RAB3C: variants seen among roughly 807,000 people sequenced by gnomAD.
The protein encoded by RAB3C is ras-related protein Rab-3C.
Under a neutral mutation model 26.4 loss-of-function variants are expected in RAB3C, and 17 were observed. That is an observed-to-expected ratio of 0.64 (90% CI 0.44 to 0.97). The LOEUF (loss-of-function observed/expected upper bound fraction) is 0.97. RAB3C is among the 50% of genes least tolerant of loss of function. The pLI is 0.00. For missense variants in RAB3C, 242 were observed against 281.9 expected, an observed-to-expected ratio of 0.86 and a Z score of 1.01; for synonymous variants, 91 against 95.9, an observed-to-expected ratio of 0.95 and a Z score of 0.30.
intron 2 of RAB3C, among the ~76,000 whole-genome samples, chr5:58,698,221 A>G (rs1046453164): frequency 2.0e-5 from 3 of 152,168 alleles, no homozygotes; most frequent in Non-Finnish European, 4.4e-5. Flanking sequence ...TGGGTTGAAA[A>G]TTCTTTTCTT....
At chr5:58,680,232 T>C (rs1443549898) in intron 2 of RAB3C, among the ~76,000 whole-genome samples, 2 of 152,216 alleles carry the variant, frequency 1.3e-5, no homozygotes, top group African/African-American at 4.8e-5. Flanking sequence ...ACTTGTTAAT[T>C]AGGCCATTGA....
intron 3 of RAB3C, among the ~76,000 whole-genome samples, chr5:58,771,899 C>T (rs1228775281): frequency 7.0e-6 from 1 of 143,224 alleles, no homozygotes; most frequent in Non-Finnish European, 1.5e-5. Context: ...ATGGCAAAGT[C>T]CACCTCTCAA....
intron 4 of RAB3C, among the ~76,000 whole-genome samples, chr5:58,827,784 G>A (rs1743521633): frequency 6.6e-6 from 1 of 152,132 alleles, no homozygotes; most frequent in Non-Finnish European, 1.5e-5. Flanking sequence ...TCTCCTCATG[G>A]CTACACATGC....
intron 1 of RAB3C, among the ~76,000 whole-genome samples, chr5:58,607,442 G>A (rs1746596939): frequency 6.6e-6 from 1 of 152,194 alleles, no homozygotes; most frequent in African/African-American, 2.4e-5. Context: ...TTTGATTAGT[G>A]TACCTGAAAG....
At chr5:58,722,290 C>T (rs1740787226) in intron 2 of RAB3C, among the ~76,000 whole-genome samples, 1 of 151,534 alleles carries the variant, frequency 6.6e-6, no homozygotes, top group Non-Finnish European at 1.5e-5. Context: ...CACCTTTTAG[C>T]AGTGTCTTGG....
At chr5:58,623,445 G>A (rs1157502800) in intron 2 of RAB3C, among the ~76,000 whole-genome samples, 1 of 152,202 alleles carries the variant, frequency 6.6e-6, no homozygotes, top group Non-Finnish European at 1.5e-5. Context: ...AGTGACAGCT[G>A]CCAAGACCAT....
chr5:58,740,750 G>A (rs1741258288), intron 3 of RAB3C, among the ~76,000 whole-genome samples: 1 of 152,144 alleles, frequency 6.6e-6, no homozygotes, highest in African/African-American at 2.4e-5. Flanking sequence ...AACCCAGGAG[G>A]TGGATATTGC....
In RAB3C at chr5:58,796,984, T is replaced by TACACAC. The variant is rs368267920; in HGVS notation, c.372-28046_372-28041dup. ...TTTCTACCTTTCATTTCTGACCCAC[T>TACACAC]ACACACACACACAGACACACACACA... is the stretch of plus-strand genomic sequence containing the variant. On this transcript the variant is annotated intron_variant, in intron 3 of 4. Transcript: ENST00000282878. 3.8e-3 allele frequency among the ~76,000 whole-genome samples: 560 copies of TACACAC among 148,650 alleles called. 2 individuals are homozygous for TACACAC. The highest frequency in any genetic ancestry group is 0.023 in the East Asian group (117 of 5,062).
intron 2 of RAB3C, among the ~76,000 whole-genome samples, chr5:58,694,006 A>G (rs142413796): frequency 3.9e-5 from 6 of 152,248 alleles, no homozygotes; most frequent in Non-Finnish European, 8.8e-5. Context: ...GTAGGTATAC[A>G]TGTGCCATGG....
intron 2 of RAB3C, among the ~76,000 whole-genome samples, chr5:58,682,614 G>A (rs565129965): frequency 1.3e-5 from 2 of 152,076 alleles, no homozygotes; most frequent in East Asian, 1.9e-4. Context: ...AACCCGGGAG[G>A]TGGAGCTTGC....
chr5:58,619,601 C>T (rs545481701), intron 2 of RAB3C, among the ~76,000 whole-genome samples: 1 of 152,118 alleles, frequency 6.6e-6, no homozygotes, highest in South Asian at 2.1e-4. Context: ...CCACTTTTTC[C>T]TCTCTTCTTT....
rs1447342465 is a variant in RAB3C at position 58,596,254 on chromosome 5, T to C, written c.24+13022T>C. The stretch of plus-strand genomic sequence containing the variant: ...CCAATTCCAAGGCCTTTCCAGGTTC[T>C]GCCAGGCAAGAGTTCTTGTGAGGTT... On this transcript the variant is annotated intron_variant, in intron 1 of 4. Transcript: ENST00000282878. 4.6e-5 allele frequency among the ~76,000 whole-genome samples: 7 copies of C among 152,084 alleles called. No homozygotes were observed. In the East Asian group the frequency reaches 1.4e-3, roughly 29 times the overall value.
intron 2 of RAB3C, among the ~76,000 whole-genome samples, chr5:58,725,095 C>T (rs559905977): frequency 1.3e-5 from 2 of 151,912 alleles, no homozygotes; most frequent in East Asian, 1.9e-4. Context: ...TTGAAGAACT[C>T]CCTTTAGCAT....
chr5:58,760,237 T>G (rs74585884), intron 3 of RAB3C, among the ~76,000 whole-genome samples: 1,918 of 152,268 alleles, frequency 0.013, 30 homozygotes, highest in African/African-American at 0.041. Flanking sequence ...TATGAAAAAT[T>G]TAGCCTCTTA....
Position 58,856,468 on chromosome 5 carries a change from G to A in RAB3C, c.*5117G>A, listed in dbSNP as rs993285472. 5.9e-5 allele frequency: 9 copies of A among 152,034 alleles called. No individual in the cohort carries two copies. Among genetic ancestry groups the A allele is most frequent in the Non-Finnish European group, 1.3e-4 (9 of 68,000 alleles). 9.4% of individuals were successfully genotyped at this position (152,034 alleles called of 1,614,324 possible). On this transcript the variant is annotated 3_prime_UTR_variant, in exon 5 of 5. Transcript: ENST00000282878. ...AAAACACTATCCTCATGGAATGACA[G>A]GACCAAGAATAGAAAATGAGACTCA...
chr5:58,652,895 G>A (rs1347202996), intron 2 of RAB3C, among the ~76,000 whole-genome samples: 1 of 151,922 alleles, frequency 6.6e-6, no homozygotes, highest in African/African-American at 2.4e-5. Context: ...AGAAAAATTC[G>A]ATAACTTTCA....
chr5:58,595,996 C>T (rs971590057), intron 1 of RAB3C, among the ~76,000 whole-genome samples: 4 of 151,978 alleles, frequency 2.6e-5, no homozygotes, highest in South Asian at 2.1e-4. Flanking sequence ...TTTGTTTTAT[C>T]TAAGTTGTAT....
chr5:58,589,414 T>C (rs1746081433), intron 1 of RAB3C, among the ~76,000 whole-genome samples: 1 of 152,220 alleles, frequency 6.6e-6, no homozygotes, highest in South Asian at 2.1e-4. Flanking sequence ...GAATTATGCT[T>C]ATAAAACAAG....
chr5:58,583,331 C>T (rs542505254), intron 1 of RAB3C, 99 bp downstream of exon 1: 1 of 1,579,316 alleles, frequency 6.3e-7, no homozygotes, highest in Non-Finnish European at 8.6e-7. Flanking sequence ...AAGGTCTAGG[C>T]GGTCACCCGC....
Sources: allele counts gnomAD v4.1 joint callset (sites outside exome capture counted in the v4.1 genomes callset), GRCh38; gene constraint gnomAD v4.1.1; transcripts MANE v1.5; gene names NCBI Gene and HGNC (gene_info 2026-07-23, HGNC 2026-07-21).